OTUD7A: variants seen among roughly 807,000 people sequenced by gnomAD.
The protein encoded by OTUD7A is OTU deubiquitinase 7A.
OTUD7A carries 12 observed loss-of-function variants against 65.7 expected under a neutral mutation model. That is an observed-to-expected ratio of 0.18 (90% CI 0.12 to 0.30). The LOEUF (loss-of-function observed/expected upper bound fraction) is 0.30. Ranked by LOEUF, OTUD7A falls within the 10% of genes least tolerant of loss-of-function variation. The pLI, the probability that OTUD7A is intolerant of heterozygous loss-of-function variation, is 1.00. For synonymous variants in OTUD7A, 641 were observed against 586.3 expected (o/e 1.09, Z -1.35); for missense variants, 1,148 against 1,304.8 (o/e 0.88, Z 1.85).
At chr15:31,801,970 A>G (rs186259816) in intron 1 of OTUD7A, among the ~76,000 whole-genome samples, 82 of 152,212 alleles carry the variant, frequency 5.4e-4, no homozygotes, top group Non-Finnish European at 5.1e-4. Flanking sequence ...GTATCCTGCA[A>G]GCTCCATGTA....
intron 3 of OTUD7A, among the ~76,000 whole-genome samples, chr15:31,636,985 C>A (rs71474673): frequency 6.6e-6 from 1 of 152,116 alleles, no homozygotes; most frequent in Non-Finnish European, 1.5e-5. Flanking sequence ...ATAAAAGTTT[C>A]ATGTTATTGC....
At chr15:31,750,067 A>C (rs1894588891) in intron 1 of OTUD7A, among the ~76,000 whole-genome samples, 2 of 152,234 alleles carry the variant, frequency 1.3e-5, no homozygotes, top group African/African-American at 4.8e-5. Flanking sequence ...TACGGATGAC[A>C]CAAATGGAAA....
chr15:31,828,430 ATCAAAC>A, intron 1 of OTUD7A, among the ~76,000 whole-genome samples: 1 of 152,348 alleles, frequency 6.6e-6, no homozygotes, highest in South Asian at 2.1e-4. Flanking sequence ...TAGCATACGC[ATCAAAC>A]ATTTACCATT....
At chr15:31,786,825 A>C (rs1895685797) in intron 1 of OTUD7A, among the ~76,000 whole-genome samples, 1 of 152,056 alleles carries the variant, frequency 6.6e-6, no homozygotes, top group Non-Finnish European at 1.5e-5. Flanking sequence ...CAGAGTTCTG[A>C]CCCAGGACCC....
At chr15:31,848,876 C>G (rs1029076808) in intron 1 of OTUD7A, among the ~76,000 whole-genome samples, 3 of 152,182 alleles carry the variant, frequency 2.0e-5, no homozygotes, top group Non-Finnish European at 2.9e-5. Context: ...AGTTGCTGCC[C>G]TGTCCTTTTA....
Position 31,498,019 on chromosome 15 carries a change from G to A in OTUD7A, c.1171+3671C>T, listed in dbSNP as rs553220220. 2.6e-5 allele frequency among the ~76,000 whole-genome samples: 4 copies of A among 152,312 alleles called. No individual in the cohort carries two copies. The highest frequency in any genetic ancestry group is 6.5e-5 in the Admixed American group (1 of 15,300). On this transcript the variant is annotated intron_variant, in intron 10 of 12. Coordinates refer to ENST00000307050, the MANE Select transcript of OTUD7A (RefSeq NM_001382637.1). The surrounding 1 kb of genome is among the most constrained non-coding windows in gnomAD (Gnocchi z 4.2). ...CCCAGTGCAACCTGCTGGCCAGGCC[G>A]AGAGCTAACATGTACACATGGGTAT...
At chr15:31,586,917 G>C (rs927718084) in intron 3 of OTUD7A, among the ~76,000 whole-genome samples, 1 of 151,966 alleles carries the variant, frequency 6.6e-6, no homozygotes, top group East Asian at 1.9e-4. Context: ...TCCAGCCCCA[G>C]GACCACTGCT....
At chr15:31,701,607 T>C (rs1239125952) in intron 1 of OTUD7A, among the ~76,000 whole-genome samples, 4 of 150,908 alleles carry the variant, frequency 2.7e-5, no homozygotes, top group African/African-American at 9.7e-5. Context: ...TAATCTAATA[T>C]GAAACCGGTC....
chr15:31,669,587 GA>G (rs2141293981), intron 1 of OTUD7A, among the ~76,000 whole-genome samples: 1 of 152,346 alleles, frequency 6.6e-6, no homozygotes, highest in Admixed American at 6.5e-5. Context: ...CAGCTAGAAA[GA>G]AAAGGGCTTG....
rs1277943310 is a variant in OTUD7A, at chr15:31,748,328, T to TAC, written c.-99-91253_-99-91252dup. Among the ~76,000 whole-genome samples the TAC allele has an allele frequency of 5.3e-5, 8 of 151,672 alleles. No individual in the cohort carries two copies. The East Asian group carries it at 1.2e-3, about 22-fold the overall frequency. On this transcript the variant is annotated intron_variant, in intron 1 of 12. Coordinates refer to ENST00000307050, the MANE Select transcript of OTUD7A (RefSeq NM_001382637.1). ...TCAGAAAAAAAACTCCACGATGATA[T>TAC]ACACACACACACATATAAATATATA... is the stretch of plus-strand genomic sequence containing the variant.
chr15:31,844,273 G>C (rs1897250989), intron 1 of OTUD7A, among the ~76,000 whole-genome samples: 1 of 152,222 alleles, frequency 6.6e-6, no homozygotes, highest in Non-Finnish European at 1.5e-5. Context: ...TTGGGAGGCT[G>C]AGGCAGGTGG....
intron 1 of OTUD7A, among the ~76,000 whole-genome samples, chr15:31,729,263 T>C (rs886097866): frequency 6.6e-6 from 1 of 152,222 alleles, no homozygotes; most frequent in Non-Finnish European, 1.5e-5. Flanking sequence ...GGGGTTACTG[T>C]ATCTGTTTAT....
intron 1 of OTUD7A, among the ~76,000 whole-genome samples, chr15:31,697,029 C>G (rs1893100541): frequency 1.3e-5 from 2 of 150,686 alleles, no homozygotes; most frequent in Admixed American, 6.6e-5. Flanking sequence ...AAAGAGGGTG[C>G]TGGCTGCTCA....
At chr15:31,600,787 A>C (rs972386545) in intron 3 of OTUD7A, among the ~76,000 whole-genome samples, 1 of 152,034 alleles carries the variant, frequency 6.6e-6, no homozygotes, top group African/African-American at 2.4e-5. Context: ...AATGGAAAGC[A>C]AAAAAAAGCA....
At chr15:31,835,548 T>G (rs1182283828) in intron 1 of OTUD7A, among the ~76,000 whole-genome samples, 3 of 152,194 alleles carry the variant, frequency 2.0e-5, no homozygotes, top group Non-Finnish European at 4.4e-5. Context: ...TGACAAGAAA[T>G]GCAAGTATGC....
intron 1 of OTUD7A, among the ~76,000 whole-genome samples, chr15:31,722,785 G>T (rs1893776278): frequency 1.3e-5 from 2 of 152,198 alleles, no homozygotes; most frequent in South Asian, 4.1e-4. Flanking sequence ...CTTACAGTTG[G>T]CAAAACAGAG....
intron 1 of OTUD7A, among the ~76,000 whole-genome samples, chr15:31,716,273 T>C (rs1405664115): frequency 4.6e-5 from 1 of 21,648 alleles, no homozygotes; most frequent in African/African-American, 7.0e-5. Context: ...ATATACATTA[T>C]ATAATACATA....
chr15:31,781,220 G>A (rs920045839), intron 1 of OTUD7A, among the ~76,000 whole-genome samples: 2 of 152,120 alleles, frequency 1.3e-5, no homozygotes, highest in African/African-American at 2.4e-5. Context: ...ATGCAGCCTC[G>A]TTCACTAGAA....
intron 1 of OTUD7A, among the ~76,000 whole-genome samples, chr15:31,755,743 T>G (rs1894795195): frequency 1.3e-5 from 2 of 151,152 alleles, no homozygotes; most frequent in African/African-American, 4.9e-5. Context: ...AAAGTACTGG[T>G]CTTCAACGTC....
Sources: gnomAD v4.1 joint callset for allele counts (sites outside exome capture counted in the v4.1 genomes callset) on GRCh38, gnomAD v4.1.1 for gene constraint, Gnocchi (gnomAD v3.1) non-coding constraint, MANE v1.5 for transcripts, NCBI Gene and HGNC (gene_info 2026-07-23, HGNC 2026-07-21) for gene names.